The following STS variants were observed in gnomAD, a reference collection of about 807,000 sequenced individuals.
STS encodes steroid sulfatase.
In STS, 7 loss-of-function variants were observed where a neutral mutation model predicts 26.8. The observed-to-expected ratio is 0.26, with a 90% CI of 0.15 to 0.49. The LOEUF (loss-of-function observed/expected upper bound fraction) is 0.49. Among genes scored for constraint, STS ranks in the 20% least tolerant of loss-of-function variants. The pLI, the probability that STS is intolerant of heterozygous loss-of-function variation, is 0.98. For missense variants in STS, 434 were observed against 465.6 expected, an observed-to-expected ratio of 0.93 and a Z score of 0.63; for synonymous variants, 199 against 189.4, an observed-to-expected ratio of 1.05 and a Z score of -0.42.
chrX:7,168,905 A>G (rs747957945), intron 1 of STS, among the ~76,000 whole-genome samples: 64 of 111,753 alleles, frequency 5.7e-4, no homozygotes, highest in Non-Finnish European at 1.1e-3. Context: ...ATGTCATATC[A>G]TGCTAGTGAT....
At chrX:7,216,200 C>T (rs1231494847) in intron 2 of STS, among the ~76,000 whole-genome samples, 1 of 112,012 alleles carries the variant, frequency 8.9e-6, no homozygotes, top group Non-Finnish European at 1.9e-5. Context: ...TGCACCTGCA[C>T]CCCCTTTTTA....
At chrX:7,181,363 C>G (rs1933677579) in intron 1 of STS, among the ~76,000 whole-genome samples, 1 of 112,446 alleles carries the variant, frequency 8.9e-6, no homozygotes, top group African/African-American at 3.2e-5. Context: ...CAAATCAAAA[C>G]TCATTTGTCG....
chrX:7,198,898 G>A (rs1430241505), intron 2 of STS, among the ~76,000 whole-genome samples: 5 of 109,860 alleles, frequency 4.6e-5, no homozygotes, highest in African/African-American at 1.3e-4. Flanking sequence ...AAGCAAAAAC[G>A]TCTGCTGCCT....
intron 1 of STS, among the ~76,000 whole-genome samples, chrX:7,182,197 C>G (rs746337122): frequency 8.9e-6 from 1 of 111,926 alleles, no homozygotes; most frequent in African/African-American, 3.2e-5. Flanking sequence ...CAGGCACTTA[C>G]TAATTCATCC....
chrX:7,269,706 G>A (rs1279752277), intron 6 of STS, among the ~76,000 whole-genome samples: 7 of 111,456 alleles, frequency 6.3e-5, no homozygotes, highest in African/African-American at 2.3e-4. Flanking sequence ...GAACAGCTGG[G>A]TGTATAAATC....
intron 8 of STS, among the ~76,000 whole-genome samples, chrX:7,323,006 A>G (rs1282557796): frequency 1.8e-5 from 2 of 112,080 alleles, no homozygotes; most frequent in Admixed American, 1.9e-4. Context: ...TGGTAATAAA[A>G]TAATACCAAC....
chrX:7,176,573 T>C (rs1469217267), intron 1 of STS, among the ~76,000 whole-genome samples: 1 of 111,218 alleles, frequency 9.0e-6, no homozygotes, highest in Non-Finnish European at 1.9e-5. Flanking sequence ...AGAAAAGAGG[T>C]TTAATTGACT....
chrX:7,203,241 CA>C (rs765855629), intron 2 of STS, among the ~76,000 whole-genome samples: 1 of 112,249 alleles, frequency 8.9e-6, no homozygotes, highest in South Asian at 3.7e-4. Context: ...TTCCATGGGG[CA>C]AAAAACTCTA....
chrX:7,255,651 G>A (rs1235866437), intron 3 of STS, among the ~76,000 whole-genome samples: 4 of 111,531 alleles, frequency 3.6e-5, no homozygotes, highest in Non-Finnish European at 5.6e-5. Flanking sequence ...TTTATATTTT[G>A]TAATATCACA....
intron 2 of STS, among the ~76,000 whole-genome samples, chrX:7,222,110 G>A (rs1258436351): frequency 9.0e-6 from 1 of 111,662 alleles, no homozygotes; most frequent in Non-Finnish European, 1.9e-5. Context: ...CAGGAAGCAA[G>A]TCCTCACTAA....
At chrX:7,279,341 G>GTGTA (rs1569210797) in intron 7 of STS, among the ~76,000 whole-genome samples, 12 of 74,591 alleles carry the variant, frequency 1.6e-4, no homozygotes, top group African/African-American at 7.1e-4. Context: ...GTGTGTGTAT[G>GTGTA]TGTGTGTGTG....
At chrX:7,344,824 G>A (rs1369371022) in intron 10 of STS, among the ~76,000 whole-genome samples, 1 of 111,397 alleles carries the variant, frequency 9.0e-6, no homozygotes, top group Non-Finnish European at 1.9e-5. Context: ...TATCATGCGC[G>A]CAGTGTCTTT....
rs1928826283 is a variant in STS at position 7,352,091 on chromosome X, C to T, written c.*1830C>T. On this transcript the variant is annotated 3_prime_UTR_variant, in exon 11 of 11. Transcript: ENST00000674429. The stretch of plus-strand genomic sequence containing the variant: ...TAATCTGTATTCTTGCTTTAGAAAA[C>T]ATTCTTAGAGAGGGTACTAGCTTAC... 9.0e-6 allele frequency: 1 copy of T among 111,458 alleles called. No homozygotes were observed. Among genetic ancestry groups the T allele is most frequent in the Non-Finnish European group, 1.9e-5 (1 of 53,142 alleles). The allele number at this position is 111,458 out of a possible 1,213,427, so 9.2% of individuals were successfully genotyped here.
intron 2 of STS, chrX:7,252,285 T>C: frequency 1.3e-6 from 1 of 753,354 alleles, no homozygotes; most frequent in Non-Finnish European, 1.6e-6. Flanking sequence ...AACCAGTTGC[T>C]GGGAGAGGTG....
At chrX:7,275,147 G>A (rs909560046) in intron 6 of STS, among the ~76,000 whole-genome samples, 1 of 109,766 alleles carries the variant, frequency 9.1e-6, no homozygotes. Flanking sequence ...GGTTAGGGGA[G>A]TGGATGGGGA....
chrX:7,251,136 G>C (rs1363205591), intron 2 of STS, among the ~76,000 whole-genome samples: 2 of 111,776 alleles, frequency 1.8e-5, no homozygotes, highest in Non-Finnish European at 1.9e-5. Context: ...CTCTTGGCTG[G>C]CAAAGCCCCT....
intron 2 of STS, among the ~76,000 whole-genome samples, chrX:7,214,977 TATAC>T (rs1193922893): frequency 1.9e-4 from 8 of 41,665 alleles, no homozygotes; most frequent in East Asian, 7.8e-4. Context: ...TATATGTATA[TATAC>T]ATATATATAC....
intron 6 of STS, 28 bp from the exon 7 acceptor site, chrX:7,275,923 T>TC (rs1256495670): frequency 3.5e-6 from 4 of 1,149,534 alleles, no homozygotes; most frequent in Non-Finnish European, 4.6e-6. Context: ...GTCTTTTTTT[T>TC]CCTCCCTTTT....
rs185176889 is a variant in STS at position 7,233,152 on chromosome X, G to A, written c.-4-20044G>A. Among the ~76,000 whole-genome samples the A allele has an allele frequency of 3.3e-5, 3 of 92,079 alleles. No individual in the cohort carries two copies. The Admixed American group carries it at 4.3e-4, about 13-fold the overall frequency. 80.0% of individuals were successfully genotyped at this position (92,079 alleles called of 115,157 possible). Reference sequence around the variant, plus strand: ...TTCTTCGCCCAGGCTGGAGTGTAATGGCGCGATCTTGGCTCACTGCAACCT... The same window carrying A: ...TTCTTCGCCCAGGCTGGAGTGTAATAGCGCGATCTTGGCTCACTGCAACCT... On this transcript the variant is annotated intron_variant, in intron 2 of 10. Transcript: ENST00000674429.
Sources: gnomAD v4.1 joint callset for allele counts (sites outside exome capture counted in the v4.1 genomes callset) on GRCh38, gnomAD v4.1.1 for gene constraint, MANE v1.5 for transcripts, NCBI Gene and HGNC (gene_info 2026-07-23, HGNC 2026-07-21) for gene names.